AGO3: variants seen among roughly 807,000 people sequenced by gnomAD.
The protein encoded by AGO3 is argonaute RISC catalytic component 3, also known as protein argonaute-3.
A neutral mutation model predicts 105.5 loss-of-function variants in AGO3; 16 were observed. The ratio of observed to expected loss-of-function variants is 0.15; its 90% CI spans 0.10 to 0.23. The LOEUF (loss-of-function observed/expected upper bound fraction) is 0.23. Among genes scored for constraint, AGO3 ranks in the 10% least tolerant of loss-of-function variants. The pLI, the probability that AGO3 is intolerant of heterozygous loss-of-function variation, is 1.00. For missense variants in AGO3, 534 were observed against 1,088.0 expected (o/e 0.49, Z 7.16); for synonymous variants, 340 against 367.3 (o/e 0.93, Z 0.85).
At chr1:35,974,762 A>G (rs1557659809) in intron 5 of AGO3, among the ~76,000 whole-genome samples, 2 of 152,138 alleles carry the variant, frequency 1.3e-5, no homozygotes, top group Admixed American at 6.5e-5. Flanking sequence ...TTTTTCTGTT[A>G]TTCTTTTTGC....
In AGO3 at chr1:36,008,986, C is replaced by T. The variant is rs369662141; in HGVS notation, c.971C>T (p.Pro324Leu). ...REKYTLQLKY[P>L]HLPCLQVGQE... ...AAGTATACTCTTCAGCTGAAGTACC[C>T]GCACCTTCCCTGTCTGCAAGTCGGG... The change falls in exon 8 of 19, where the codon CCG (proline) becomes CTG (leucine). Residue 324 changes from proline to leucine, a missense_variant. Around this residue, in one of 2 missense-constraint regions of AGO3, gnomAD observed 373 missense variants for 854.0 expected, o/e 0.44. Coordinates refer to ENST00000373191, the MANE Select transcript of AGO3 (RefSeq NM_024852.4). This position sits in a 1 kb window ranked among gnomAD's most constrained non-coding sequence, Gnocchi z 5.1. 1.1e-4 allele frequency: 178 copies of T among 1,608,786 alleles called. No homozygotes were observed. The highest frequency in any genetic ancestry group is 1.4e-4 in the Non-Finnish European group (159 of 1,177,766).
chr1:35,942,332 A>T (rs1646270926), intron 1 of AGO3, among the ~76,000 whole-genome samples: 1 of 152,116 alleles, frequency 6.6e-6, no homozygotes, highest in Non-Finnish European at 1.5e-5. Flanking sequence ...CGTGAATTAG[A>T]TTAGCTTATG....
Position 35,945,715 on chromosome 1 carries a change from C to T in AGO3, c.43C>T (p.Leu15Phe). Residue 15 changes from leucine to phenylalanine, a missense_variant, in exon 2 of 19, where the codon CTC (leucine) becomes TTC (phenylalanine). Around this residue, in one of 2 missense-constraint regions of AGO3, gnomAD observed 161 missense variants for 234.0 expected, o/e 0.69. Transcript: ENST00000373191. ...SAGPAGAQPLLMVPRRPGYGT... is the reference protein window; with the variant it reads ...SAGPAGAQPLFMVPRRPGYGT... ...AGGACCCGCTGGGGCCCAGCCCCTA[C>T]TCATGGTGCCCAGAAGACCTGGCTA... 1 of 1,612,862 alleles carries T rather than the reference C, an allele frequency of 6.2e-7. No individual in the cohort carries two copies. Among genetic ancestry groups the T allele is most frequent in the Non-Finnish European group, 8.5e-7 (1 of 1,180,000 alleles).
intron 13 of AGO3, among the ~76,000 whole-genome samples, chr1:36,035,956 T>C (rs1415955169): frequency 1.3e-5 from 2 of 150,866 alleles, no homozygotes; most frequent in Non-Finnish European, 2.9e-5. Context: ...TGGCATGAAC[T>C]TGGGAGGTGG....
intron 5 of AGO3, among the ~76,000 whole-genome samples, chr1:35,991,856 T>G (rs1462811223): frequency 6.6e-6 from 1 of 152,090 alleles, no homozygotes; most frequent in African/African-American, 2.4e-5. Context: ...CAAATTCCTT[T>G]TTGTTTGTTT....
intron 1 of AGO3, among the ~76,000 whole-genome samples, chr1:35,943,877 A>C (rs770917184): frequency 6.6e-6 from 1 of 152,166 alleles, no homozygotes; most frequent in African/African-American, 2.4e-5. Context: ...CTGGGATTAC[A>C]GGTGTGAGCC....
chr1:35,974,342 CA>C (rs1646919955), intron 5 of AGO3, among the ~76,000 whole-genome samples: 1 of 152,100 alleles, frequency 6.6e-6, no homozygotes, highest in African/African-American at 2.4e-5. Flanking sequence ...CTAGTAGTCC[CA>C]TTTCCTTTCC....
At chr1:35,970,028 C>T (rs1222179272) in intron 3 of AGO3, among the ~76,000 whole-genome samples, 1 of 152,172 alleles carries the variant, frequency 6.6e-6, no homozygotes, top group Non-Finnish European at 1.5e-5. Flanking sequence ...GACTCTACTT[C>T]ATTACTTTCT....
chr1:36,053,312 G>A (rs560416137), intron 17 of AGO3, among the ~76,000 whole-genome samples: 34 of 150,394 alleles, frequency 2.3e-4, no homozygotes, highest in African/African-American at 8.1e-4. Context: ...ATGGAGTCTC[G>A]CTCTGTCACC....
chr1:35,956,954 G>A (rs2148760611), intron 2 of AGO3, among the ~76,000 whole-genome samples: 1 of 152,054 alleles, frequency 6.6e-6, no homozygotes. Flanking sequence ...TGGCCTTAAG[G>A]ATCATGATTT....
chr1:36,012,552 A>C (rs1441164575), intron 9 of AGO3, among the ~76,000 whole-genome samples: 2 of 152,210 alleles, frequency 1.3e-5, no homozygotes, highest in East Asian at 3.9e-4. Context: ...AATAAATTTT[A>C]TAATATGGCA....
chr1:35,947,103 AT>A (rs1234748451), intron 2 of AGO3, among the ~76,000 whole-genome samples: 1 of 151,828 alleles, frequency 6.6e-6, no homozygotes, highest in East Asian at 1.9e-4. Flanking sequence ...ATATAATTTT[AT>A]TTATTTATTT....
intron 17 of AGO3, among the ~76,000 whole-genome samples, chr1:36,050,529 C>T (rs190746401): frequency 5.1e-4 from 76 of 150,200 alleles, no homozygotes; most frequent in African/African-American, 1.6e-3. Flanking sequence ...TGGTAGCTCA[C>T]GCCTGTAATC....
In AGO3 at chr1:36,069,364, A is replaced by T. The variant is rs1426409173; in HGVS notation, c.*13619A>T. The stretch of plus-strand genomic sequence containing the variant: ...AGCAGTCCTCCTGCCTCAGCCACCC[A>T]AAGTGCTGGGATTATAGGCATGATC... On this transcript the variant is annotated 3_prime_UTR_variant, in exon 19 of 19. Coordinates refer to ENST00000373191, the MANE Select transcript of AGO3 (RefSeq NM_024852.4). 1.3e-5 allele frequency: 2 copies of T among 152,180 alleles called. No homozygotes were observed. Among genetic ancestry groups the T allele is most frequent in the African/African-American group, 4.8e-5 (2 of 41,434 alleles). 9.4% of individuals were successfully genotyped at this position (152,180 alleles called of 1,614,324 possible). A position where few individuals can be genotyped will look rare whatever the true frequency, so the allele number is the denominator to read the frequency against.
chr1:35,993,816 C>CT (rs1200586754), intron 5 of AGO3, among the ~76,000 whole-genome samples: 2 of 124,080 alleles, frequency 1.6e-5, no homozygotes, highest in African/African-American at 6.4e-5. Flanking sequence ...GGTGAGATCT[C>CT]TGCTCACTGC....
At chr1:36,011,121 A>G (rs1640592534) in intron 9 of AGO3, among the ~76,000 whole-genome samples, 1 of 152,178 alleles carries the variant, frequency 6.6e-6, no homozygotes. Flanking sequence ...GGGCATCTGA[A>G]TCTTATCTGG....
intron 17 of AGO3, among the ~76,000 whole-genome samples, chr1:36,046,354 G>A (rs891079546): frequency 6.6e-6 from 1 of 152,096 alleles, no homozygotes; most frequent in Non-Finnish European, 1.5e-5. Context: ...CAGCCCTGTC[G>A]AGCTGCAAGC....
intron 2 of AGO3, among the ~76,000 whole-genome samples, chr1:35,964,594 C>T (rs769250525): frequency 6.6e-6 from 1 of 152,160 alleles, no homozygotes; most frequent in Non-Finnish European, 1.5e-5. Context: ...CATACACATG[C>T]ATGTGTCTTT....
chr1:35,962,256 G>C (rs1254292703), intron 2 of AGO3, among the ~76,000 whole-genome samples: 2 of 151,944 alleles, frequency 1.3e-5, no homozygotes, highest in Admixed American at 6.6e-5. Flanking sequence ...GAAAACATAC[G>C]TTACTGGCCA....
Sources: gnomAD v4.1 joint callset for allele counts (sites outside exome capture counted in the v4.1 genomes callset) on GRCh38, gnomAD v4.1.1 for gene constraint, gnomAD v4.1.1 regional missense constraint, Gnocchi (gnomAD v3.1) non-coding constraint, MANE v1.5 for transcripts, NCBI Gene and HGNC (gene_info 2026-07-23, HGNC 2026-07-21) for gene names.